Variants in NLRP4 observed in about 807,000 individuals in gnomAD.
NLRP4 encodes the protein NLR family pyrin domain containing 4, also known as NACHT, LRR and PYD domains-containing protein 4.
A neutral mutation model predicts 84.7 loss-of-function variants in NLRP4; 44 were observed. That is an observed-to-expected ratio of 0.52 (90% CI 0.41 to 0.67). The LOEUF is 0.67. NLRP4 is among the 30% of genes least tolerant of loss of function. The pLI, the probability that NLRP4 is intolerant of heterozygous loss-of-function variation, is 0.00. For synonymous variants in NLRP4, 544 were observed against 476.4 expected, an observed-to-expected ratio of 1.14 and a Z score of -1.85; for missense variants, 1,260 against 1,219.4, an observed-to-expected ratio of 1.03 and a Z score of -0.50.
intron 1 of NLRP4, among the ~76,000 whole-genome samples, chr19:55,847,716 C>CT (rs550137661): frequency 0.014 from 1,848 of 135,036 alleles, 32 homozygotes; most frequent in South Asian, 0.056. Flanking sequence ...ACCTAATATC[C>CT]TTTTTTTTTT....
chr19:55,872,109 A>G (rs1985209209), intron 7 of NLRP4, among the ~76,000 whole-genome samples: 1 of 152,136 alleles, frequency 6.6e-6, no homozygotes, highest in Non-Finnish European at 1.5e-5. Context: ...CGGCCTCCCA[A>G]AGTGCTGGGA....
At position 55,878,881 on chromosome 19, in the gene NLRP4, G is replaced by A; in HGVS notation, c.2784G>A (p.Leu928=). The A allele has an allele frequency of 6.2e-7, 1 of 1,613,944 alleles. No homozygotes were observed. The highest frequency in any genetic ancestry group is 1.3e-5 in the African/African-American group (1 of 75,030). Residue 928 remains leucine (L), a synonymous_variant, in exon 9 of 10, where the codon CTG becomes CTA. Coordinates refer to ENST00000301295, the MANE Select transcript of NLRP4 (RefSeq NM_134444.5). ...TCSKTLQQLN[L]TLNTLDHTGV... The stretch of plus-strand genomic sequence containing the variant: ...GTAAGACCCTGCAGCAGCTCAACCT[G>A]ACCTTGAACACCTTGGACCACACAG...
intron 1 of NLRP4, among the ~76,000 whole-genome samples, chr19:55,849,130 G>C (rs60189506): frequency 6.6e-6 from 1 of 152,130 alleles, no homozygotes; most frequent in African/African-American, 2.4e-5. Context: ...GAGTTATGCC[G>C]CATCTCCTTA....
intron 2 of NLRP4, among the ~76,000 whole-genome samples, chr19:55,856,663 A>G (rs188320120): frequency 1.2e-4 from 18 of 150,956 alleles, no homozygotes; most frequent in South Asian, 8.4e-4. Context: ...CTACAGGCAC[A>G]CACCACCACG....
Position 55,881,781 on chromosome 19 carries a change from G to T in NLRP4, c.*194G>T. On this transcript the variant is annotated 3_prime_UTR_variant, in exon 10 of 10. Coordinates refer to ENST00000301295, the MANE Select transcript of NLRP4 (RefSeq NM_134444.5). ...TGTGGCCTTGGATGAGTCACTGAAA[G>T]GCCTTCATGGTCTCTCGGTCTCACA... is the stretch of plus-strand genomic sequence containing the variant. The T allele has an allele frequency of 2.4e-6, 1 of 413,444 alleles. No homozygotes were observed. Among genetic ancestry groups the T allele is most frequent in the Non-Finnish European group, 4.3e-6 (1 of 232,806 alleles). 25.6% of individuals were successfully genotyped at this position (413,444 alleles called of 1,614,324 possible). A position where few individuals can be genotyped will look rare whatever the true frequency, so the allele number is the denominator to read the frequency against.
chr19:55,847,982 T>C (rs1490175237), intron 1 of NLRP4, among the ~76,000 whole-genome samples: 1 of 152,162 alleles, frequency 6.6e-6, no homozygotes, highest in South Asian at 2.1e-4. Flanking sequence ...CCCAAAGTGC[T>C]GGGATGACAG....
chr19:55,875,177 AAGATAAGAACG>A (rs1985322692), intron 7 of NLRP4, among the ~76,000 whole-genome samples: 1 of 152,210 alleles, frequency 6.6e-6, no homozygotes, highest in Admixed American at 6.5e-5. Flanking sequence ...TATCATGAAA[AAGATAAGAACG>A]GTGGCTATAA....
chr19:55,861,589 T>G (rs766628369), intron 4 of NLRP4, 42 bp downstream of exon 4: 1 of 1,584,374 alleles, frequency 6.3e-7, no homozygotes, highest in Non-Finnish European at 8.6e-7. Context: ...GTCACGGAGA[T>G]GACCTATTCA....
chr19:55,850,144 A>C (rs1320549994), intron 1 of NLRP4, among the ~76,000 whole-genome samples: 1 of 113,672 alleles, frequency 8.8e-6, no homozygotes, highest in South Asian at 3.0e-4. Context: ...GCTGCGGTGT[A>C]ATTTCCGAGG....
At position 55,849,943 on chromosome 19, in the gene NLRP4, T is replaced by G. The variant is rs1219956982; in HGVS notation, c.-65-2073T>G. 1.4e-5 allele frequency among the ~76,000 whole-genome samples: 2 copies of G among 142,204 alleles called. 1 individual carries two copies. Among genetic ancestry groups the G allele is most frequent in the African/African-American group, 5.8e-5 (2 of 34,682 alleles). 93.3% of individuals were successfully genotyped at this position (142,204 alleles called of 152,430 possible). On this transcript the variant is annotated intron_variant, in intron 1 of 9. Coordinates refer to ENST00000301295, the MANE Select transcript of NLRP4 (RefSeq NM_134444.5). ...CGGTGTAATTTCCGTAGCCGCGGTG[T>G]AATTTCCGAGACTGCGGTGTAATTT... is the stretch of plus-strand genomic sequence containing the variant.
At position 55,856,263 on chromosome 19, in the gene NLRP4, G is replaced by A. The variant is rs557052743; in HGVS notation, c.281-1411G>A. Among the ~76,000 whole-genome samples the A allele has an allele frequency of 4.6e-5, 7 of 152,206 alleles. No individual in the cohort carries two copies. In the South Asian group the frequency reaches 1.5e-3, roughly 32 times the overall value. On this transcript the variant is annotated intron_variant, in intron 2 of 9. Transcript: ENST00000301295. ...CCTGCCTCAGCCTCCCAAAGTGCTG[G>A]GATTATAGGCGTGAGCCACTGCGCC...
In NLRP4 at chr19:55,863,471, AAG is replaced by A. The variant is rs1415621554; in HGVS notation, c.2186+1318_2186+1319del. On this transcript the variant is annotated intron_variant, in intron 5 of 9. Transcript: ENST00000301295. ...ACGTCTTACATGGGGGAGCAGGAAG[AAG>A]AGAGAAGAGGGAGGCGCTACACAGT... is the stretch of plus-strand genomic sequence containing the variant. Among the ~76,000 whole-genome samples the A allele has an allele frequency of 7.9e-5, 12 of 152,230 alleles. 1 individual carries two copies. The highest frequency in any genetic ancestry group is 7.8e-4 in the Admixed American group (12 of 15,290).
At position 55,867,971 on chromosome 19, in the gene NLRP4, A is replaced by G. The variant is rs1344539924; in HGVS notation, c.2354+95A>G. 3.7e-6 allele frequency: 4 copies of G among 1,089,200 alleles called. No homozygotes were observed. The African/African-American group carries it at 4.7e-5, about 13-fold the overall frequency. 67.5% of individuals were successfully genotyped at this position (1,089,200 alleles called of 1,614,324 possible). ...CAGTCTGCTCATTGATGGAGGCCAC[A>G]TAGCGGAGGTTTAAAAGCTCACGCT... On this transcript the variant is annotated intron_variant, in intron 6 of 9. Transcript: ENST00000301295.
chr19:55,854,526 A>G (rs571975254), intron 2 of NLRP4, among the ~76,000 whole-genome samples: 4 of 152,334 alleles, frequency 2.6e-5, no homozygotes, highest in African/African-American at 9.6e-5. Context: ...GAAAATGTTA[A>G]GAATCTGTAA....
Position 55,852,064 on chromosome 19 carries a change from T to G in NLRP4, c.-17T>G, listed in dbSNP as rs758199965. ...GTCACTGTCTCTTTGAGGATTGGTA[T>G]CTCTGCTCCAGAAAAGATGGCAGCC... On this transcript the variant is annotated 5_prime_UTR_variant, in exon 2 of 10. The change creates a premature stop within an existing upstream ORF in the 5' untranslated region. Transcript: ENST00000301295. 5.1e-6 allele frequency: 8 copies of G among 1,578,346 alleles called. No homozygotes were observed. Among genetic ancestry groups the G allele is most frequent in the Non-Finnish European group, 6.9e-6 (8 of 1,166,438 alleles).
At chr19:55,860,589 C>T (rs895085580) in intron 3 of NLRP4, among the ~76,000 whole-genome samples, 2 of 151,442 alleles carry the variant, frequency 1.3e-5, no homozygotes, top group African/African-American at 4.9e-5. Context: ...ATCTCAAAAA[C>T]CAAAAGAATC....
chr19:55,877,709 T>C lies in NLRP4; in HGVS notation c.2696+543T>C, dbSNP rs1405161901. Among the ~76,000 whole-genome samples, 16 of 152,276 alleles carry C rather than the reference T, an allele frequency of 1.1e-4. 1 individual carries two copies. In the South Asian group the frequency reaches 2.9e-3, roughly 28 times the overall value. On this transcript the variant is annotated intron_variant, in intron 8 of 9. Transcript: ENST00000301295. ...AGGGAGAATCTGCTTCAGGCCCTTC[T>C]TGTCTTGTCGATAACCATCTGTCTT...
intron 1 of NLRP4, among the ~76,000 whole-genome samples, chr19:55,838,345 T>C (rs1034784964): frequency 3.3e-5 from 5 of 151,350 alleles, no homozygotes; most frequent in African/African-American, 1.2e-4. Context: ...CAGAATGGCA[T>C]GTGACAAAGT....
chr19:55,837,618 A>T (rs1345631924), intron 1 of NLRP4, among the ~76,000 whole-genome samples: 1 of 152,110 alleles, frequency 6.6e-6, no homozygotes, highest in Non-Finnish European at 1.5e-5. Context: ...ACACACACAC[A>T]CACACAAAGT....
Sources: gnomAD v4.1 joint callset for allele counts (sites outside exome capture counted in the v4.1 genomes callset) on GRCh38, gnomAD v4.1.1 for gene constraint, MANE v1.5 for transcripts, NCBI Gene and HGNC (gene_info 2026-07-23, HGNC 2026-07-21) for gene names.